UNC5D: variants seen among roughly 807,000 people sequenced by gnomAD.
The protein encoded by UNC5D is unc-5 netrin receptor D.
UNC5D carries 39 observed loss-of-function variants against 105.4 expected under a neutral mutation model. That is an observed-to-expected ratio of 0.37 (90% CI 0.29 to 0.48). The LOEUF (loss-of-function observed/expected upper bound fraction) is 0.48, where lower values mean the gene tolerates loss of function less well. UNC5D is among the 20% of genes least tolerant of loss of function. The probability of loss-of-function intolerance (pLI) is 0.98; values close to 1 mark genes in which losing one functional copy is unlikely to be tolerated. For synonymous variants in UNC5D, 452 were observed against 450.4 expected, an observed-to-expected ratio of 1.00 and a Z score of -0.04; for missense variants, 991 against 1,202.4, an observed-to-expected ratio of 0.82 and a Z score of 2.60.
intron 8 of UNC5D, among the ~76,000 whole-genome samples, chr8:35,720,398 G>T (rs1208856124): frequency 6.6e-6 from 1 of 152,194 alleles, no homozygotes; most frequent in Non-Finnish European, 1.5e-5. Flanking sequence ...CTTTTAAGGT[G>T]AGAGTGTCAT....
chr8:35,496,073 A>G (rs998735435), intron 1 of UNC5D, among the ~76,000 whole-genome samples: 2 of 152,222 alleles, frequency 1.3e-5, no homozygotes, highest in Non-Finnish European at 2.9e-5. Flanking sequence ...TTCTTTGAGA[A>G]CAATAACCAA....
chr8:35,595,623 A>G lies in UNC5D; in HGVS notation c.536A>G (p.His179Arg). 1 of 1,614,100 alleles carries G rather than the reference A, an allele frequency of 6.2e-7. No homozygotes were observed. Among genetic ancestry groups the G allele is most frequent in the Non-Finnish European group, 8.5e-7 (1 of 1,179,984 alleles). The change falls in exon 4 of 17, where the codon CAC becomes CGC. Residue 179 changes from histidine (H) to arginine (R), a missense_variant. His to Arg is a conservative substitution (Grantham distance 29). Coordinates refer to ENST00000404895, the MANE Select transcript of UNC5D (RefSeq NM_080872.4). ...CCCATTGAAGGCATGATTGTACTGC[A>G]CTGCCGCCCACCAGAGGGAGTCCCT... ...EVPIEGMIVLHCRPPEGVPAA... is the reference protein window; with the variant it reads ...EVPIEGMIVLRCRPPEGVPAA...
At chr8:35,677,427 G>A (rs1294930983) in intron 4 of UNC5D, among the ~76,000 whole-genome samples, 1 of 151,988 alleles carries the variant, frequency 6.6e-6, no homozygotes. Flanking sequence ...TACCTCCCTG[G>A]CCCCCAGGAA....
At chr8:35,728,278 ATGTG>A (rs144251037) in intron 10 of UNC5D, among the ~76,000 whole-genome samples, 1 of 150,842 alleles carries the variant, frequency 6.6e-6, no homozygotes, top group Admixed American at 6.6e-5. Context: ...TAGTGTATGT[ATGTG>A]TGTGTGTGTG....
chr8:35,248,228 G>A (rs1350352776), intron 1 of UNC5D, among the ~76,000 whole-genome samples: 66 of 66,216 alleles, frequency 1.0e-3, no homozygotes, highest in African/African-American at 2.9e-3. Context: ...ATAAATATAT[G>A]TTATATAAAA....
At chr8:35,612,300 A>C (rs1820735567) in intron 4 of UNC5D, among the ~76,000 whole-genome samples, 1 of 152,314 alleles carries the variant, frequency 6.6e-6, no homozygotes, top group South Asian at 2.1e-4. Context: ...TCAGCCCCAA[A>C]TCAGCTTTGT....
At chr8:35,366,762 G>T (rs1802146018) in intron 1 of UNC5D, among the ~76,000 whole-genome samples, 1 of 151,992 alleles carries the variant, frequency 6.6e-6, no homozygotes, top group Non-Finnish European at 1.5e-5. Context: ...AATTGGAAAT[G>T]TATTGGAAAA....
intron 8 of UNC5D, among the ~76,000 whole-genome samples, chr8:35,707,405 A>T (rs1260580121): frequency 2.6e-5 from 4 of 152,214 alleles, no homozygotes; most frequent in Non-Finnish European, 4.4e-5. Flanking sequence ...GTCCTCTGAC[A>T]TCATGCATGT....
intron 11 of UNC5D, among the ~76,000 whole-genome samples, chr8:35,738,212 C>A (rs1829573741): frequency 1.3e-5 from 2 of 152,254 alleles, no homozygotes; most frequent in Admixed American, 6.5e-5. Context: ...TCAGTAACAG[C>A]CTGTGTGTGT....
At chr8:35,743,851 T>A (rs545735217) in intron 11 of UNC5D, among the ~76,000 whole-genome samples, 115 of 152,208 alleles carry the variant, frequency 7.6e-4, no homozygotes, top group African/African-American at 2.6e-3. Context: ...CATGTATATA[T>A]CCCCCAAACA....
chr8:35,641,572 T>C (rs1294555925), intron 4 of UNC5D, among the ~76,000 whole-genome samples: 1 of 152,040 alleles, frequency 6.6e-6, no homozygotes, highest in African/African-American at 2.4e-5. Flanking sequence ...CTACAATTTG[T>C]AATATTTTAT....
At chr8:35,504,831 A>T (rs563076462) in intron 1 of UNC5D, among the ~76,000 whole-genome samples, 1 of 152,162 alleles carries the variant, frequency 6.6e-6, no homozygotes, top group South Asian at 2.1e-4. Context: ...CTCTTCTCTC[A>T]TGGTGAAACA....
intron 1 of UNC5D, chr8:35,254,631 GC>G (rs35382190): frequency 5.3e-5 from 8 of 152,152 alleles, no homozygotes; most frequent in African/African-American, 1.9e-4. Context: ...CTTTGTTCAT[GC>G]CCCTTGTTCA....
chr8:35,462,718 G>A (rs1052265808), intron 1 of UNC5D, among the ~76,000 whole-genome samples: 6 of 152,184 alleles, frequency 3.9e-5, no homozygotes, highest in Admixed American at 2.6e-4. Context: ...AAGGAAAATG[G>A]GATCTCTTTC....
At chr8:35,469,479 A>G (rs879942985) in intron 1 of UNC5D, among the ~76,000 whole-genome samples, 1 of 152,224 alleles carries the variant, frequency 6.6e-6, no homozygotes, top group Non-Finnish European at 1.5e-5. Context: ...TTACTGGGAC[A>G]GCCCATATTG....
chr8:35,315,392 A>T (rs1268399860), intron 1 of UNC5D, among the ~76,000 whole-genome samples: 1 of 152,026 alleles, frequency 6.6e-6, no homozygotes, highest in Non-Finnish European at 1.5e-5. Flanking sequence ...CCTCATTCAC[A>T]TGTTTGGCAA....
chr8:35,568,364 T>C (rs1195960340), intron 3 of UNC5D, 123 bp downstream of exon 3: 1 of 1,302,698 alleles, frequency 7.7e-7, no homozygotes, highest in Non-Finnish European at 1.0e-6. Context: ...TTAAATTTAC[T>C]CTTCTAAAAT....
chr8:35,778,527 A>C (rs1447229244), intron 16 of UNC5D, among the ~76,000 whole-genome samples: 1 of 152,210 alleles, frequency 6.6e-6, no homozygotes, highest in East Asian at 1.9e-4. Flanking sequence ...TTATTGAGTA[A>C]GAAAGCTATG....
At chr8:35,687,220 G>T (rs1377631864) in intron 7 of UNC5D, among the ~76,000 whole-genome samples, 1 of 152,160 alleles carries the variant, frequency 6.6e-6, no homozygotes, top group African/African-American at 2.4e-5. Context: ...AAGGCAGGCG[G>T]ATCGCGAGGT....
Sources: gnomAD v4.1 joint callset for allele counts (sites outside exome capture counted in the v4.1 genomes callset) on GRCh38, gnomAD v4.1.1 for gene constraint, MANE v1.5 for transcripts, NCBI Gene and HGNC (gene_info 2026-07-23, HGNC 2026-07-21) for gene names.